Variants in HECW1 observed in about 807,000 individuals in gnomAD.
The protein encoded by HECW1 is HECT, C2 and WW domain containing E3 ubiquitin protein ligase 1.
In HECW1, 61 loss-of-function variants were observed where a neutral mutation model predicts 182.3. That is an observed-to-expected ratio of 0.33 (90% confidence interval 0.27 to 0.41). HECW1 has a LOEUF of 0.41. Ranked by LOEUF, HECW1 falls within the 10% of genes least tolerant of loss-of-function variation. The pLI is 1.00. For missense variants in HECW1, 1,739 were observed against 2,108.9 expected, an observed-to-expected ratio of 0.82 and a Z score of 3.44; for synonymous variants, 859 against 832.6, an observed-to-expected ratio of 1.03 and a Z score of -0.55.
intron 4 of HECW1, among the ~76,000 whole-genome samples, chr7:43,314,948 GCCTCC>G (rs921301449): frequency 4.6e-5 from 7 of 152,126 alleles, no homozygotes; most frequent in African/African-American, 1.7e-4. Flanking sequence ...TCACACAGCT[GCCTCC>G]CCTGGCTCAG....
chr7:43,550,607 C>T lies in HECW1; in HGVS notation c.4395+16C>T, dbSNP rs1465655702. 4 of 1,584,926 alleles carry T rather than the reference C, an allele frequency of 2.5e-6. No individual in the cohort carries two copies. The highest frequency in any genetic ancestry group is 3.4e-6 in the Non-Finnish European group (4 of 1,166,568). On this transcript the variant is annotated intron_variant, in intron 27 of 29. Transcript: ENST00000395891. ...CTTCTACGAGGTGAGGCCCGGTGGCCTGGGGAAGGCAAGCTGTGGCCAGGG... is the reference window on the plus strand; with the variant it reads ...CTTCTACGAGGTGAGGCCCGGTGGCTTGGGGAAGGCAAGCTGTGGCCAGGG...
Position 43,544,559 on chromosome 7 carries a change from G to A in HECW1, c.4248+2561G>A, listed in dbSNP as rs577099640. Among the ~76,000 whole-genome samples, 77 of 150,626 alleles carry A rather than the reference G, an allele frequency of 5.1e-4. 1 individual carries two copies. The highest frequency in any genetic ancestry group is 2.5e-3 in the Admixed American group (37 of 15,052). On this transcript the variant is annotated intron_variant, in intron 26 of 29. Coordinates refer to ENST00000395891, the MANE Select transcript of HECW1 (RefSeq NM_015052.5). ...TATGAAAGGCACTTTGGTGATATCG[G>A]TTCATATTTTAAATCACATGCCTTT...
At chr7:43,498,229 T>A (rs1419258319) in intron 19 of HECW1, among the ~76,000 whole-genome samples, 1 of 152,226 alleles carries the variant, frequency 6.6e-6, no homozygotes, top group Non-Finnish European at 1.5e-5. Context: ...GACACCTGGA[T>A]GTGGTCCATA....
chr7:43,183,389 A>G (rs1458234623), intron 2 of HECW1, among the ~76,000 whole-genome samples: 1 of 152,138 alleles, frequency 6.6e-6, no homozygotes, highest in Non-Finnish European at 1.5e-5. Flanking sequence ...TAATGCAAAC[A>G]TCCTCCGCCC....
chr7:43,395,945 A>AT (rs1266043594), intron 6 of HECW1, among the ~76,000 whole-genome samples: 1 of 152,222 alleles, frequency 6.6e-6, no homozygotes, highest in Non-Finnish European at 1.5e-5. Flanking sequence ...TGAGCAAGAG[A>AT]TTATGGATAT....
At chr7:43,411,596 A>G (rs987911148) in intron 8 of HECW1, among the ~76,000 whole-genome samples, 3 of 152,118 alleles carry the variant, frequency 2.0e-5, no homozygotes, top group Non-Finnish European at 4.4e-5. Flanking sequence ...ATCCTTTACT[A>G]TGTTCATGGA....
chr7:43,404,582 G>A (rs1045818681), intron 7 of HECW1, among the ~76,000 whole-genome samples: 3 of 152,170 alleles, frequency 2.0e-5, no homozygotes, highest in Admixed American at 6.5e-5. Flanking sequence ...TTGTTTGATA[G>A]AACAGAACAA....
At chr7:43,422,638 G>A (rs1184515448) in intron 8 of HECW1, among the ~76,000 whole-genome samples, 1 of 151,914 alleles carries the variant, frequency 6.6e-6, no homozygotes, top group Non-Finnish European at 1.5e-5. Flanking sequence ...CAAAGTGCTG[G>A]GATTACAAGC....
chr7:43,114,493 T>C, intron 2 of HECW1, 102 bp downstream of exon 2: 1 of 1,037,994 alleles, frequency 9.6e-7, no homozygotes, highest in Non-Finnish European at 1.3e-6. Flanking sequence ...GTGTGCCTGT[T>C]TGGTAGAGAG....
intron 8 of HECW1, among the ~76,000 whole-genome samples, chr7:43,430,697 T>C (rs1238328590): frequency 6.6e-6 from 1 of 152,016 alleles, no homozygotes; most frequent in Non-Finnish European, 1.5e-5. Flanking sequence ...TCAGGGAAAT[T>C]AGGATGACAA....
At chr7:43,472,536 G>A (rs1357161200) in intron 16 of HECW1, among the ~76,000 whole-genome samples, 2 of 151,656 alleles carry the variant, frequency 1.3e-5, no homozygotes, top group Admixed American at 1.3e-4. Context: ...AGTTACCTGA[G>A]GGAAGAAACC....
intron 2 of HECW1, among the ~76,000 whole-genome samples, chr7:43,149,356 T>C (rs1164645655): frequency 6.6e-6 from 1 of 152,182 alleles, no homozygotes; most frequent in Non-Finnish European, 1.5e-5. Context: ...AGTCTAATCA[T>C]GAGAGAATAT....
At chr7:43,461,213 G>A (rs551449656) in intron 13 of HECW1, among the ~76,000 whole-genome samples, 2 of 152,322 alleles carry the variant, frequency 1.3e-5, no homozygotes, top group African/African-American at 2.4e-5. Context: ...GAGGGTGGCC[G>A]GGGCTGGAGA....
chr7:43,218,603 C>G (rs1377733274), intron 2 of HECW1, among the ~76,000 whole-genome samples: 1 of 152,152 alleles, frequency 6.6e-6, no homozygotes, highest in Non-Finnish European at 1.5e-5. Context: ...GCAAAGCTGG[C>G]TTTGGGCAAC....
At chr7:43,262,814 G>T (rs1292197574) in intron 3 of HECW1, among the ~76,000 whole-genome samples, 2 of 152,066 alleles carry the variant, frequency 1.3e-5, no homozygotes, top group Non-Finnish European at 2.9e-5. Flanking sequence ...TTGTCCATTT[G>T]CACTTCCACC....
intron 3 of HECW1, among the ~76,000 whole-genome samples, chr7:43,288,296 A>G (rs890669211): frequency 6.6e-6 from 1 of 152,216 alleles, no homozygotes; most frequent in African/African-American, 2.4e-5. Context: ...CATCTAAGTG[A>G]CACTGTCAAA....
chr7:43,485,890 G>T (rs1278714575), intron 17 of HECW1, among the ~76,000 whole-genome samples: 1 of 151,938 alleles, frequency 6.6e-6, no homozygotes, highest in African/African-American at 2.4e-5. Flanking sequence ...TTAAGTTCTG[G>T]GGTACATGTT....
chr7:43,421,866 A>G (rs1370773383), intron 8 of HECW1, among the ~76,000 whole-genome samples: 4 of 152,218 alleles, frequency 2.6e-5, no homozygotes, highest in African/African-American at 9.6e-5. Flanking sequence ...GTTAGGAGAC[A>G]TTACAGAAGC....
intron 2 of HECW1, among the ~76,000 whole-genome samples, chr7:43,125,114 A>G (rs1400458322): frequency 6.6e-6 from 1 of 152,156 alleles, no homozygotes; most frequent in Non-Finnish European, 1.5e-5. Flanking sequence ...CTTGGTGGAA[A>G]GAGGGCTAGG....
Sources: allele counts gnomAD v4.1 joint callset (sites outside exome capture counted in the v4.1 genomes callset), GRCh38; gene constraint gnomAD v4.1.1; transcripts MANE v1.5; gene names NCBI Gene and HGNC (gene_info 2026-07-23, HGNC 2026-07-21).